Variants in RAB4B observed in about 807,000 individuals in gnomAD.
RAB4B encodes the protein RAB4B, member RAS oncogene family.
Under a neutral mutation model 28.3 loss-of-function variants are expected in RAB4B, and 15 were observed. The ratio of observed to expected loss-of-function variants is 0.53; its 90% CI spans 0.35 to 0.82. The LOEUF (loss-of-function observed/expected upper bound fraction) is 0.82, where lower values mean the gene tolerates loss of function less well. RAB4B is among the 40% of genes least tolerant of loss of function. The pLI is 0.01. For missense variants in RAB4B, 244 were observed against 288.5 expected, an observed-to-expected ratio of 0.85 and a Z score of 1.12; for synonymous variants, 108 against 116.3, an observed-to-expected ratio of 0.93 and a Z score of 0.46.
chr19:40,779,748 A>G, intron 1 of RAB4B: 1 of 755,094 alleles, frequency 1.3e-6, no homozygotes, highest in Non-Finnish European at 1.8e-6. Context: ...CTGTCTCAAA[A>G]AAACAAAAAC....
chr19:40,781,806 G>A (rs964988466), intron 3 of RAB4B, among the ~76,000 whole-genome samples: 3 of 152,094 alleles, frequency 2.0e-5, no homozygotes, highest in Non-Finnish European at 2.9e-5. Context: ...CGGATCACGA[G>A]GTCAGGAGAT....
At chr19:40,794,030 T>A (rs1213339509) in intron 7 of RAB4B, among the ~76,000 whole-genome samples, 2 of 152,068 alleles carry the variant, frequency 1.3e-5, no homozygotes, top group Non-Finnish European at 2.9e-5. Context: ...ATTACAGGCA[T>A]GAGCCACCGA....
At chr19:40,793,572 G>GTTT (rs373163247) in intron 7 of RAB4B, among the ~76,000 whole-genome samples, 12 of 125,424 alleles carry the variant, frequency 9.6e-5, no homozygotes, top group African/African-American at 1.9e-4. Context: ...TTTCTTTTTT[G>GTTT]TTTTTTTTTT....
intron 1 of RAB4B, chr19:40,779,109 T>C (rs1184462992): frequency 2.6e-6 from 2 of 781,994 alleles, no homozygotes; most frequent in Non-Finnish European, 3.1e-6. Flanking sequence ...GGAGCTATAG[T>C]GGAGTGAATG....
At chr19:40,793,565 C>CTTTTTTTTTTTTTTTTTTTTTTTTT (rs1269603015) in intron 7 of RAB4B, among the ~76,000 whole-genome samples, 1 of 123,838 alleles carries the variant, frequency 8.1e-6, no homozygotes. Context: ...CTTTTCTTTT[C>CTTTTTTTTTTTTTTTTTTTTTTTTT]TTTTTTGTTT....
At chr19:40,789,933 C>T (rs988304114) in intron 7 of RAB4B, among the ~76,000 whole-genome samples, 6 of 152,152 alleles carry the variant, frequency 3.9e-5, no homozygotes, top group Admixed American at 6.6e-5. Flanking sequence ...ACGCTTCTAG[C>T]GAGGGGTATG....
At chr19:40,793,572 GTTT>G (rs373163247) in intron 7 of RAB4B, among the ~76,000 whole-genome samples, 51 of 125,406 alleles carry the variant, frequency 4.1e-4, no homozygotes, top group Admixed American at 1.4e-3. Flanking sequence ...TTTCTTTTTT[GTTT>G]TTTTTTTTTT....
chr19:40,793,075 C>T (rs1020269453), intron 7 of RAB4B, among the ~76,000 whole-genome samples: 1 of 152,040 alleles, frequency 6.6e-6, no homozygotes, highest in African/African-American at 2.4e-5. Context: ...CTGCGCCCGG[C>T]CTCAGAACGT....
At chr19:40,785,571 A>C (rs1386454793) in intron 5 of RAB4B, 4 of 152,156 alleles carry the variant, frequency 2.6e-5, no homozygotes, top group African/African-American at 9.7e-5. Flanking sequence ...GTGTTGGCCA[A>C]ACCACCCACA....
intron 1 of RAB4B, among the ~76,000 whole-genome samples, chr19:40,778,660 G>T (rs2083018262): frequency 6.6e-6 from 1 of 152,158 alleles, no homozygotes; most frequent in Non-Finnish European, 1.5e-5. Context: ...TGAGGGAAGA[G>T]GTGGGCCTTA....
At chr19:40,779,236 G>C in intron 1 of RAB4B, 1 of 161,178 alleles carries the variant, frequency 6.2e-6, no homozygotes, top group Non-Finnish European at 1.3e-5. Flanking sequence ...TGGAGCCCTT[G>C]GCCTAGGTTT....
chr19:40,791,036 T>G (rs954918179), intron 7 of RAB4B, among the ~76,000 whole-genome samples: 3 of 151,812 alleles, frequency 2.0e-5, no homozygotes, highest in Non-Finnish European at 4.4e-5. Context: ...TCTGTATTTT[T>G]AGTAGAGATG....
chr19:40,785,610 C>T (rs1231309870), intron 5 of RAB4B: 1 of 152,216 alleles, frequency 6.6e-6, no homozygotes, highest in African/African-American at 2.4e-5. Context: ...GCCTGTGTTC[C>T]CCTGTTTTGC....
At chr19:40,793,798 C>T (rs576852066) in intron 7 of RAB4B, among the ~76,000 whole-genome samples, 2 of 151,576 alleles carry the variant, frequency 1.3e-5, no homozygotes, top group African/African-American at 4.8e-5. Flanking sequence ...GTGGTGTGCT[C>T]CTGTAATCCC....
chr19:40,795,029 C>T (rs1158009334), intron 7 of RAB4B, among the ~76,000 whole-genome samples: 2 of 147,234 alleles, frequency 1.4e-5, no homozygotes, highest in Admixed American at 6.8e-5. Context: ...ATTAGCCAGG[C>T]GTGGTGGCAA....
chr19:40,795,695 GATTTATTT>G (rs563508687), intron 7 of RAB4B, among the ~76,000 whole-genome samples: 7 of 139,494 alleles, frequency 5.0e-5, no homozygotes, highest in African/African-American at 1.1e-4. Context: ...GTGCCTGGCC[GATTTATTT>G]ATTTATTTAT....
chr19:40,791,579 C>G (rs2083160170), intron 7 of RAB4B, among the ~76,000 whole-genome samples: 1 of 152,058 alleles, frequency 6.6e-6, no homozygotes. Flanking sequence ...TTCCTACCCT[C>G]TTTTCCCTGG....
chr19:40,795,068 C>T (rs1290467902), intron 7 of RAB4B, among the ~76,000 whole-genome samples: 1 of 147,830 alleles, frequency 6.8e-6, no homozygotes, highest in East Asian at 2.0e-4. Context: ...ACTCAGGAGG[C>T]TGAGGCAGGA....
Position 40,780,201 on chromosome 19 carries a change from A to G in RAB4B, c.97+102A>G, listed in dbSNP as rs1418340961. 7.1e-6 allele frequency: 11 copies of G among 1,538,528 alleles called. No individual in the cohort carries two copies. The South Asian group carries it at 1.1e-4, about 16-fold the overall frequency. ...GGAGGGCAGGGCTGGCCATAGGTAC[A>G]AGTCCAGTGCTGGCTTTTTGGTCCT... On this transcript the variant is annotated intron_variant, in intron 2 of 7. Coordinates refer to ENST00000357052, the MANE Select transcript of RAB4B (RefSeq NM_016154.5).
Sources: gnomAD v4.1 joint callset for allele counts (sites outside exome capture counted in the v4.1 genomes callset) on GRCh38, gnomAD v4.1.1 for gene constraint, MANE v1.5 for transcripts, NCBI Gene and HGNC (gene_info 2026-07-23, HGNC 2026-07-21) for gene names.